Variants in SUPT20H observed in about 807,000 individuals in gnomAD.
SUPT20H encodes transcription factor SPT20 homolog.
SUPT20H carries 82 observed loss-of-function variants against 122.8 expected under a neutral mutation model. The observed-to-expected ratio is 0.67, with a 90% CI of 0.56 to 0.80. The LOEUF (loss-of-function observed/expected upper bound fraction) is 0.80, where lower values mean the gene tolerates loss of function less well. Among genes scored for constraint, SUPT20H ranks in the 30% least tolerant of loss-of-function variants. SUPT20H has a pLI of 0.00. For missense variants in SUPT20H, 831 were observed against 921.6 expected (o/e 0.90, Z 1.27); for synonymous variants, 291 against 313.0 (o/e 0.93, Z 0.74).
chr13:37,047,896 T>C lies in SUPT20H; in HGVS notation c.80A>G (p.Lys27Arg), dbSNP rs1344115773. 1 of 1,606,226 alleles carries C rather than the reference T, an allele frequency of 6.2e-7. No individual in the cohort carries two copies. The highest frequency in any genetic ancestry group is 8.5e-7 in the Non-Finnish European group (1 of 1,176,188). ...TTCATACCTTCCACTTGATAGGTAT[T>C]TCCTTTTAGGAGGTCTCTGTCGGGC... ...ESARQRPPKR[K>R]YLSSGRKSVF... Residue 27 changes from lysine (K) to arginine (R), a missense_variant, in exon 4 of 26, where the codon AAA (lysine) becomes AGA (arginine). Coordinates refer to ENST00000350612, the MANE Select transcript of SUPT20H (RefSeq NM_001014286.3).
chr13:37,056,912 C>T (rs2069191364), intron 1 of SUPT20H: 1 of 152,178 alleles, frequency 6.6e-6, no homozygotes, highest in Non-Finnish European at 1.5e-5. Context: ...TAGAGTGAGG[C>T]ACAGTCCCCA....
chr13:37,048,037 TC>T, intron 3 of SUPT20H, 101 bp from the exon 4 acceptor site: 1 of 714,398 alleles, frequency 1.4e-6, no homozygotes, highest in Non-Finnish European at 2.1e-6. Flanking sequence ...AAAAGGCTAT[TC>T]ACTTAACTCT....
intron 9 of SUPT20H, chr13:37,038,362 A>T (rs2064890410): frequency 6.6e-6 from 1 of 152,218 alleles, no homozygotes; most frequent in African/African-American, 2.4e-5. Context: ...TACAGTTCAT[A>T]ACAAGAAGGG....
At chr13:37,037,568 T>C (rs905437917) in intron 9 of SUPT20H, among the ~76,000 whole-genome samples, 2 of 152,204 alleles carry the variant, frequency 1.3e-5, no homozygotes, top group Non-Finnish European at 2.9e-5. Flanking sequence ...TTCCAGGAAC[T>C]GGGGATAAGG....
chr13:37,033,084 T>C (rs1387533755), intron 10 of SUPT20H, among the ~76,000 whole-genome samples: 1 of 152,038 alleles, frequency 6.6e-6, no homozygotes, highest in Non-Finnish European at 1.5e-5. Context: ...AAAAAGTTTA[T>C]TCTTTAAAAG....
intron 1 of SUPT20H, among the ~76,000 whole-genome samples, chr13:37,055,597 C>A (rs1433684131): frequency 3.3e-5 from 5 of 152,086 alleles, no homozygotes; most frequent in East Asian, 3.9e-4. Context: ...CCTTCCTTAG[C>A]CCTTACACAA....
At chr13:37,055,112 A>G (rs1266671362) in intron 1 of SUPT20H, among the ~76,000 whole-genome samples, 1 of 152,196 alleles carries the variant, frequency 6.6e-6, no homozygotes, top group Non-Finnish European at 1.5e-5. Context: ...TCAAGGAAAT[A>G]AAAGAGGATA....
chr13:37,021,916 A>G, intron 20 of SUPT20H, 95 bp downstream of exon 20: 1 of 1,375,890 alleles, frequency 7.3e-7, no homozygotes, highest in Non-Finnish European at 9.9e-7. Context: ...TCTGAGTAAT[A>G]TGCGGTTTGT....
rs1403070061 is a variant in SUPT20H at position 37,021,455 on chromosome 13, A to C, written c.1809T>G (p.Ser603=). 1.2e-6 allele frequency: 2 copies of C among 1,605,708 alleles called. No individual in the cohort carries two copies. Among genetic ancestry groups the C allele is most frequent in the African/African-American group, 2.7e-5 (2 of 74,630 alleles). The change falls in exon 21 of 26, where the codon TCT becomes TCG. Residue 603 remains serine (S), a synonymous_variant. Coordinates refer to ENST00000350612, the MANE Select transcript of SUPT20H (RefSeq NM_001014286.3). ...NALPSAMQAA[S]QAGVPFGLKN... The stretch of plus-strand genomic sequence containing the variant: ...TATTTCCAACATTCTGACCTGCTTG[A>C]GAAGCTGCCTGCATTGCACTGGGCA...
At chr13:37,036,680 A>G (rs991548849) in intron 9 of SUPT20H, among the ~76,000 whole-genome samples, 1 of 151,472 alleles carries the variant, frequency 6.6e-6, no homozygotes, top group Non-Finnish European at 1.5e-5. Flanking sequence ...CTCCCCTTCC[A>G]TCTTCTTTAT....
intron 9 of SUPT20H, among the ~76,000 whole-genome samples, chr13:37,033,963 A>G (rs937884030): frequency 1.1e-4 from 16 of 152,068 alleles, no homozygotes; most frequent in African/African-American, 3.9e-4. Context: ...CTTTTTCATT[A>G]TTATTAAATC....
intron 9 of SUPT20H, among the ~76,000 whole-genome samples, chr13:37,034,561 T>C (rs965880806): frequency 1.3e-5 from 2 of 152,080 alleles, no homozygotes; most frequent in African/African-American, 2.4e-5. Flanking sequence ...GGGTTAAGAG[T>C]AGAAGCTGTC....
chr13:37,053,218 C>T (rs1008352730), intron 1 of SUPT20H, among the ~76,000 whole-genome samples: 9 of 152,106 alleles, frequency 5.9e-5, no homozygotes, highest in African/African-American at 1.9e-4. Context: ...CACATACACA[C>T]GTAACGTATG....
chr13:37,018,332 A>C (rs939123063), intron 22 of SUPT20H, among the ~76,000 whole-genome samples: 17 of 152,364 alleles, frequency 1.1e-4, no homozygotes, highest in African/African-American at 4.1e-4. Context: ...AATATGCCGG[A>C]AGGTAGGCTA....
intron 21 of SUPT20H, among the ~76,000 whole-genome samples, chr13:37,019,684 AAG>A (rs1464705035): frequency 6.6e-6 from 1 of 152,212 alleles, no homozygotes; most frequent in Non-Finnish European, 1.5e-5. Context: ...AAGAGTAATC[AAG>A]AATTATGTGA....
intron 23 of SUPT20H, among the ~76,000 whole-genome samples, chr13:37,015,851 G>C (rs991524242): frequency 1.3e-5 from 2 of 152,098 alleles, no homozygotes; most frequent in Admixed American, 1.3e-4. Flanking sequence ...GAAAAAGGAA[G>C]GTGATTCTGA....
At position 37,028,418 on chromosome 13, in the gene SUPT20H, A is replaced by T. The variant is rs1594146938; in HGVS notation, c.994-113T>A. 3.1e-6 allele frequency: 3 copies of T among 956,508 alleles called. No homozygotes were observed. In the East Asian group the frequency reaches 7.9e-5, roughly 25 times the overall value. 59.3% of individuals were successfully genotyped at this position (956,508 alleles called of 1,614,324 possible). The stretch of plus-strand genomic sequence containing the variant: ...AACATGTATCTGACGATAGGAAGAC[A>T]CACAGCACTTAGGCTACAAAGATAT... On this transcript the variant is annotated intron_variant, in intron 13 of 25. Transcript: ENST00000350612.
intron 9 of SUPT20H, among the ~76,000 whole-genome samples, chr13:37,036,369 G>C (rs969538694): frequency 2.0e-5 from 3 of 150,872 alleles, no homozygotes; most frequent in Non-Finnish European, 4.4e-5. Context: ...TCTGTCGCCA[G>C]GTTGGAGTGC....
At chr13:37,016,511 A>G (rs1397481072) in intron 23 of SUPT20H, among the ~76,000 whole-genome samples, 1 of 152,194 alleles carries the variant, frequency 6.6e-6, no homozygotes, top group Non-Finnish European at 1.5e-5. Context: ...AAGATTTTAT[A>G]TCTAGCCAAG....
Sources: allele counts gnomAD v4.1 joint callset (sites outside exome capture counted in the v4.1 genomes callset), GRCh38; gene constraint gnomAD v4.1.1; transcripts MANE v1.5; gene names NCBI Gene and HGNC (gene_info 2026-07-23, HGNC 2026-07-21).